Variants in IQGAP2 observed in about 807,000 individuals in gnomAD.
The protein encoded by IQGAP2 is ras GTPase-activating-like protein IQGAP2.
A neutral mutation model predicts 201.3 loss-of-function variants in IQGAP2; 173 were observed. That is an observed-to-expected ratio of 0.86 (90% CI 0.76 to 0.98). The LOEUF (loss-of-function observed/expected upper bound fraction) is 0.98, where lower values mean the gene tolerates loss of function less well. Ranked by LOEUF, IQGAP2 falls within the 50% of genes least tolerant of loss-of-function variation. The pLI, the probability that IQGAP2 is intolerant of heterozygous loss-of-function variation, is 0.00. For missense variants in IQGAP2, 1,687 were observed against 1,864.8 expected (o/e 0.90, Z 1.76); for synonymous variants, 675 against 673.9 (o/e 1.00, Z -0.03).
intron 2 of IQGAP2, among the ~76,000 whole-genome samples, chr5:76,501,062 C>G (rs1345315931): frequency 6.6e-6 from 1 of 151,116 alleles, no homozygotes; most frequent in African/African-American, 2.5e-5. Flanking sequence ...AAGGAATTGA[C>G]CATTAAATGT....
chr5:76,655,984 C>T (rs1232055006), intron 20 of IQGAP2, among the ~76,000 whole-genome samples: 2 of 152,126 alleles, frequency 1.3e-5, no homozygotes, highest in African/African-American at 4.8e-5. Flanking sequence ...GTTTAGCCAG[C>T]ACCTTTTATT....
chr5:76,497,630 C>G (rs1443533828), intron 2 of IQGAP2, among the ~76,000 whole-genome samples: 1 of 152,178 alleles, frequency 6.6e-6, no homozygotes, highest in African/African-American at 2.4e-5. Flanking sequence ...ACTGGGCTCC[C>G]CCTCCTTACA....
intron 2 of IQGAP2, among the ~76,000 whole-genome samples, chr5:76,525,453 T>C (rs1758917017): frequency 6.6e-6 from 1 of 152,184 alleles, no homozygotes; most frequent in African/African-American, 2.4e-5. Flanking sequence ...AGTGGTTGAA[T>C]TTCCAGTGAA....
chr5:76,571,836 A>T (rs1478362052), intron 4 of IQGAP2, among the ~76,000 whole-genome samples: 1 of 152,222 alleles, frequency 6.6e-6, no homozygotes, highest in Non-Finnish European at 1.5e-5. Context: ...TTGGTGTATT[A>T]GTGTAAACTA....
chr5:76,434,834 C>A (rs1752564870), intron 1 of IQGAP2, among the ~76,000 whole-genome samples: 1 of 151,666 alleles, frequency 6.6e-6, no homozygotes, highest in Admixed American at 6.6e-5. Flanking sequence ...AGCGTATAAG[C>A]ATTCCCTTTT....
intron 13 of IQGAP2, among the ~76,000 whole-genome samples, chr5:76,622,661 G>T (rs1749815110): frequency 6.6e-6 from 1 of 152,020 alleles, no homozygotes; most frequent in African/African-American, 2.4e-5. Flanking sequence ...ATGAGGGTAG[G>T]GAGAACTCCC....
intron 1 of IQGAP2, among the ~76,000 whole-genome samples, chr5:76,411,454 A>G (rs1469813473): frequency 6.6e-6 from 1 of 152,184 alleles, no homozygotes; most frequent in African/African-American, 2.4e-5. Context: ...TGTATTCCCC[A>G]AAGTTCGTGT....
At chr5:76,545,033 CTA>C (rs941906216) in intron 2 of IQGAP2, among the ~76,000 whole-genome samples, 11 of 151,534 alleles carry the variant, frequency 7.3e-5, no homozygotes, top group African/African-American at 2.7e-4. Context: ...ATATACATAT[CTA>C]TAGTTTTCTT....
At chr5:76,427,508 C>T (rs990079688) in intron 1 of IQGAP2, among the ~76,000 whole-genome samples, 11 of 152,164 alleles carry the variant, frequency 7.2e-5, no homozygotes, top group Non-Finnish European at 1.6e-4. Context: ...TATGCTTGTT[C>T]CCACAACTTA....
At chr5:76,513,210 C>G (rs1472966295) in intron 2 of IQGAP2, among the ~76,000 whole-genome samples, 1 of 152,190 alleles carries the variant, frequency 6.6e-6, no homozygotes, top group Non-Finnish European at 1.5e-5. Flanking sequence ...GTGCCAAGTA[C>G]TGTGCTAAAT....
intron 2 of IQGAP2, among the ~76,000 whole-genome samples, chr5:76,487,250 C>G (rs1756217855): frequency 6.6e-6 from 1 of 152,084 alleles, no homozygotes; most frequent in Non-Finnish European, 1.5e-5. Context: ...AGGTGCCCAC[C>G]ACCACGCCCA....
intron 1 of IQGAP2, among the ~76,000 whole-genome samples, chr5:76,438,629 G>C (rs1455755807): frequency 6.6e-6 from 1 of 152,014 alleles, no homozygotes; most frequent in Non-Finnish European, 1.5e-5. Flanking sequence ...TTTTAGCAGA[G>C]ATGGACTTTC....
At chr5:76,431,560 C>A (rs552249147) in intron 1 of IQGAP2, among the ~76,000 whole-genome samples, 5 of 152,140 alleles carry the variant, frequency 3.3e-5, no homozygotes, top group African/African-American at 1.2e-4. Context: ...CACGGTGGCT[C>A]ATGCCTGTAA....
chr5:76,487,254 A>G (rs561500687), intron 2 of IQGAP2, among the ~76,000 whole-genome samples: 1 of 152,110 alleles, frequency 6.6e-6, no homozygotes, highest in South Asian at 2.1e-4. Context: ...GCCCACCACC[A>G]CGCCCAGCTA....
intron 2 of IQGAP2, among the ~76,000 whole-genome samples, chr5:76,483,926 C>A (rs916904230): frequency 2.0e-5 from 3 of 152,170 alleles, no homozygotes; most frequent in African/African-American, 7.2e-5. Flanking sequence ...GGAATAATAG[C>A]TTTTCCTTCT....
At position 76,631,973 on chromosome 5, in the gene IQGAP2, C is replaced by A. The variant is rs532348768; in HGVS notation, c.1727C>A (p.Ala576Asp). Residue 576 changes from alanine (A) to aspartate (D), a missense_variant, in exon 15 of 36, where the codon GCT (alanine) becomes GAT (aspartate). Physicochemically the swap from Ala to Asp is moderately radical, Grantham distance 126. Coordinates refer to ENST00000274364, the MANE Select transcript of IQGAP2 (RefSeq NM_006633.5). The stretch of plus-strand genomic sequence containing the variant: ...GCAAATGACATAATCCCGGAGTGTG[C>A]TGACAAATACTATGATGCCCTTGTG... The part of the protein sequence containing the change: ...SNANDIIPEC[A>D]DKYYDALVKA... The A allele has an allele frequency of 4.3e-5, 69 of 1,612,098 alleles. No homozygotes were observed. In the South Asian group the frequency reaches 6.8e-4, roughly 16 times the overall value.
intron 2 of IQGAP2, among the ~76,000 whole-genome samples, chr5:76,490,371 TTC>T (rs1190268369): frequency 2.6e-5 from 4 of 152,310 alleles, no homozygotes; most frequent in African/African-American, 9.6e-5. Flanking sequence ...TGGATTTAAT[TTC>T]TGAGTTAATA....
intron 2 of IQGAP2, among the ~76,000 whole-genome samples, chr5:76,480,668 C>T (rs1755725609): frequency 6.6e-6 from 1 of 152,162 alleles, no homozygotes; most frequent in South Asian, 2.1e-4. Flanking sequence ...CCCAATGTGT[C>T]AATTCTTACC....
intron 2 of IQGAP2, among the ~76,000 whole-genome samples, chr5:76,496,758 TTTCTTTCTTTCTTTCTTTCTTTC>T (rs1756979369): frequency 1.4e-5 from 1 of 69,980 alleles, no homozygotes. Context: ...TCTTTCTTTC[TTTCTTTCTTTCTTTCTTTCTTTC>T]TTTCTTTCTT....
Sources: gnomAD v4.1 joint callset for allele counts (sites outside exome capture counted in the v4.1 genomes callset) on GRCh38, gnomAD v4.1.1 for gene constraint, MANE v1.5 for transcripts, NCBI Gene and HGNC (gene_info 2026-07-23, HGNC 2026-07-21) for gene names.